Variants in PAWR observed in about 807,000 individuals in gnomAD.
The protein encoded by PAWR is pro-apoptotic WT1 regulator, also known as PRKC apoptosis WT1 regulator protein.
A neutral mutation model predicts 32.0 loss-of-function variants in PAWR; 23 were observed. The ratio of observed to expected loss-of-function variants is 0.72; its 90% CI spans 0.52 to 1.02. The LOEUF is 1.02. Among genes scored for constraint, PAWR ranks in the 50% least tolerant of loss-of-function variants. The pLI, the probability that PAWR is intolerant of heterozygous loss-of-function variation, is 0.00. For missense variants in PAWR, 457 were observed against 437.7 expected (o/e 1.04, Z -0.39); for synonymous variants, 226 against 187.1 (o/e 1.21, Z -1.70).
chr12:79,654,802 A>C (rs1217504870), intron 2 of PAWR, among the ~76,000 whole-genome samples: 3 of 152,120 alleles, frequency 2.0e-5, no homozygotes, highest in Non-Finnish European at 4.4e-5. Flanking sequence ...TCACGAGAAC[A>C]ACACGGAGGA....
At chr12:79,651,919 T>TA (rs1214019223) in intron 2 of PAWR, among the ~76,000 whole-genome samples, 5 of 152,160 alleles carry the variant, frequency 3.3e-5, no homozygotes, top group African/African-American at 1.2e-4. Context: ...TATTCAGCCT[T>TA]AAAAAGGAAA....
intron 2 of PAWR, among the ~76,000 whole-genome samples, chr12:79,675,297 T>C (rs980994866): frequency 6.6e-6 from 1 of 152,106 alleles, no homozygotes; most frequent in Non-Finnish European, 1.5e-5. Flanking sequence ...GAGGATCACT[T>C]GAGCCTGGAA....
chr12:79,670,838 T>C (rs1877854358), intron 2 of PAWR, among the ~76,000 whole-genome samples: 1 of 151,514 alleles, frequency 6.6e-6, no homozygotes, highest in African/African-American at 2.4e-5. Flanking sequence ...AATGAAATAA[T>C]TTCCATATCA....
At position 79,592,512 on chromosome 12, in the gene PAWR, T is replaced by C; in HGVS notation, c.*95A>G. The stretch of plus-strand genomic sequence containing the variant: ...AATAAATATACTTGCTTAGTTATTT[T>C]AATGTATTGCAGCATAGGAATATTG... On this transcript the variant is annotated 3_prime_UTR_variant, in exon 7 of 7. Coordinates refer to ENST00000328827, the MANE Select transcript of PAWR (RefSeq NM_002583.4). 3 of 606,538 alleles carry C rather than the reference T, an allele frequency of 4.9e-6. No homozygotes were observed. The highest frequency in any genetic ancestry group is 8.7e-6 in the Non-Finnish European group (3 of 344,194). The allele number at this position is 606,538 out of a possible 1,614,324, so 37.6% of individuals were successfully genotyped here. A position where few individuals can be genotyped will look rare whatever the true frequency, so the allele number is the denominator to read the frequency against.
intron 2 of PAWR, among the ~76,000 whole-genome samples, chr12:79,650,377 G>T (rs879304516): frequency 2.0e-5 from 3 of 152,030 alleles, no homozygotes; most frequent in Admixed American, 6.6e-5. Context: ...TAAATTTTTG[G>T]TTTTTTATTC....
At chr12:79,690,590 A>C in intron 1 of PAWR, 199 bp from the exon 2 acceptor site, 1 of 198,222 alleles carries the variant, frequency 5.0e-6, no homozygotes. Context: ...CCGCCCCTAG[A>C]AGGGAGGAGA....
chr12:79,614,639 G>A (rs962755081), intron 3 of PAWR, among the ~76,000 whole-genome samples: 2 of 152,136 alleles, frequency 1.3e-5, no homozygotes, highest in African/African-American at 4.8e-5. Context: ...AAAATCAAAT[G>A]ATGTCTTTAA....
At chr12:79,646,842 C>T (rs760782628) in intron 2 of PAWR, among the ~76,000 whole-genome samples, 1 of 152,050 alleles carries the variant, frequency 6.6e-6, no homozygotes, top group Non-Finnish European at 1.5e-5. Flanking sequence ...GATATTATTG[C>T]TTAGGCAAGG....
At position 79,623,359 on chromosome 12, in the gene PAWR, C is replaced by T. The variant is rs149191893; in HGVS notation, c.517-2152G>A. Among the ~76,000 whole-genome samples the T allele has an allele frequency of 3.9e-4, 59 of 152,158 alleles. No individual in the cohort carries two copies. In the East Asian group the frequency reaches 0.011, roughly 28 times the overall value. On this transcript the variant is annotated intron_variant, in intron 2 of 6. Transcript: ENST00000328827. ...AAATCAGACTCAAGACATTGATGTC[C>T]ACTATTAACATAATTGTTAACATCA...
intron 2 of PAWR, among the ~76,000 whole-genome samples, chr12:79,623,151 A>G (rs1337347019): frequency 2.0e-5 from 3 of 152,192 alleles, no homozygotes; most frequent in African/African-American, 7.2e-5. Context: ...ATTGTATCCT[A>G]TGAAAAATGA....
intron 2 of PAWR, among the ~76,000 whole-genome samples, chr12:79,671,632 G>C (rs937507026): frequency 6.6e-6 from 1 of 151,544 alleles, no homozygotes; most frequent in Non-Finnish European, 1.5e-5. Flanking sequence ...TAGTTTCCTC[G>C]ATACGAGGGA....
At chr12:79,630,315 ATT>A (rs60905491) in intron 2 of PAWR, among the ~76,000 whole-genome samples, 34,085 of 150,866 alleles carry the variant, frequency 0.23, 10,550 homozygotes, top group African/African-American at 0.7. Flanking sequence ...ATATATATAT[ATT>A]TTTTTTGAGA....
At chr12:79,624,606 T>C (rs1875188191) in intron 2 of PAWR, among the ~76,000 whole-genome samples, 1 of 152,194 alleles carries the variant, frequency 6.6e-6, no homozygotes, top group African/African-American at 2.4e-5. Context: ...AAAATTCTGC[T>C]AGCAACCAGT....
chr12:79,657,534 G>A (rs1429664219), intron 2 of PAWR, among the ~76,000 whole-genome samples: 1 of 152,122 alleles, frequency 6.6e-6, no homozygotes, highest in African/African-American at 2.4e-5. Flanking sequence ...GCTCACGCCC[G>A]TAATCCCAGC....
At chr12:79,635,452 A>G (rs1484142926) in intron 2 of PAWR, 1 of 152,086 alleles carries the variant, frequency 6.6e-6, no homozygotes, top group African/African-American at 2.4e-5. Flanking sequence ...TTCCGGTAAG[A>G]AAGAAAAGAC....
intron 4 of PAWR, among the ~76,000 whole-genome samples, chr12:79,601,356 C>T (rs1374991436): frequency 4.0e-5 from 6 of 151,634 alleles, no homozygotes; most frequent in South Asian, 2.1e-4. Context: ...GCTACATGTG[C>T]GACCATGCCC....
At chr12:79,616,428 T>A (rs73343666) in intron 3 of PAWR, among the ~76,000 whole-genome samples, 37 of 152,256 alleles carry the variant, frequency 2.4e-4, no homozygotes, top group African/African-American at 8.9e-4. Context: ...CAACTGAAAT[T>A]GTATGAATAA....
At chr12:79,593,595 G>A (rs757142866) in intron 6 of PAWR, among the ~76,000 whole-genome samples, 2 of 151,166 alleles carry the variant, frequency 1.3e-5, no homozygotes, top group Non-Finnish European at 2.9e-5. Flanking sequence ...GGGGGGTGGA[G>A]GTTGCAGTGA....
intron 2 of PAWR, among the ~76,000 whole-genome samples, chr12:79,639,881 T>TTCCATTCCATTCCATTCCATTCCATTCC (rs1876215099): frequency 1.8e-5 from 2 of 112,502 alleles, no homozygotes; most frequent in African/African-American, 1.0e-4. Context: ...TTCCTATTCC[T>TTCCATTCCATTCCATTCCATTCCATTCC]ATTCCATTCC....
Sources: allele counts gnomAD v4.1 joint callset (sites outside exome capture counted in the v4.1 genomes callset), GRCh38; gene constraint gnomAD v4.1.1; transcripts MANE v1.5; gene names NCBI Gene and HGNC (gene_info 2026-07-23, HGNC 2026-07-21).